Variants in STX8 observed in about 807,000 individuals in gnomAD.
STX8 encodes syntaxin 8, also known as syntaxin-8.
In STX8, 23 loss-of-function variants were observed where a neutral mutation model predicts 37.5. The observed-to-expected ratio is 0.61, with a 90% CI of 0.44 to 0.87. The LOEUF (loss-of-function observed/expected upper bound fraction) is 0.87, where lower values mean the gene tolerates loss of function less well. Among genes scored for constraint, STX8 ranks in the 40% least tolerant of loss-of-function variants. The pLI is 0.00. For synonymous variants in STX8, 115 were observed against 99.1 expected (o/e 1.16, Z -0.95); for missense variants, 313 against 284.7 (o/e 1.10, Z -0.71).
At chr17:9,426,254 C>T (rs1018633176) in intron 6 of STX8, among the ~76,000 whole-genome samples, 7 of 152,138 alleles carry the variant, frequency 4.6e-5, no homozygotes, top group East Asian at 1.9e-4. Context: ...AGGCCAGGCA[C>T]GATGGCTCAC....
At chr17:9,320,332 CA>C (rs1167812989) in intron 7 of STX8, among the ~76,000 whole-genome samples, 1,938 of 83,148 alleles carry the variant, frequency 0.023, 33 homozygotes, top group African/African-American at 0.064. Context: ...GACTCCATCT[CA>C]AAAAAAAAAA....
intron 7 of STX8, among the ~76,000 whole-genome samples, chr17:9,257,517 ATC>A (rs1348016324): frequency 1.3e-5 from 2 of 152,098 alleles, no homozygotes; most frequent in African/African-American, 4.8e-5. Context: ...GAGAGTGTGG[ATC>A]TCTGTGTTGG....
chr17:9,521,399 C>A (rs1054716670), intron 4 of STX8, among the ~76,000 whole-genome samples: 1 of 152,160 alleles, frequency 6.6e-6, no homozygotes, highest in Admixed American at 6.5e-5. Flanking sequence ...GAAATTGACA[C>A]GACTTCAGGA....
chr17:9,465,492 G>C (rs975230755), intron 6 of STX8, among the ~76,000 whole-genome samples: 15 of 152,276 alleles, frequency 9.9e-5, no homozygotes, highest in African/African-American at 3.6e-4. Context: ...TCCAAGTTCA[G>C]TGACTAATAT....
rs557929370 is a variant in STX8 at position 9,459,128 on chromosome 17, G to A, written c.541+32701C>T. 7.2e-5 allele frequency among the ~76,000 whole-genome samples: 11 copies of A among 152,158 alleles called. No homozygotes were observed. In the South Asian group the frequency reaches 1.9e-3, roughly 26 times the overall value. ...ATTACAGGCGTGAGCCACCATGCCC[G>A]GCCCACTCCAGTTATTTTAACAGAA... is the stretch of plus-strand genomic sequence containing the variant. On this transcript the variant is annotated intron_variant, in intron 6 of 7. Transcript: ENST00000306357.
At chr17:9,550,169 A>C (rs1213487157) in intron 3 of STX8, among the ~76,000 whole-genome samples, 1 of 151,784 alleles carries the variant, frequency 6.6e-6, no homozygotes, top group South Asian at 2.1e-4. Flanking sequence ...GGTTGCAGTG[A>C]GCCAAGATCG....
chr17:9,278,240 G>A (rs896460352), intron 7 of STX8, among the ~76,000 whole-genome samples: 2 of 152,178 alleles, frequency 1.3e-5, no homozygotes, highest in Non-Finnish European at 2.9e-5. Context: ...CTGAGGTCGC[G>A]AGTTTGAAAC....
intron 6 of STX8, among the ~76,000 whole-genome samples, chr17:9,442,704 G>A (rs1235277753): frequency 6.6e-6 from 1 of 152,112 alleles, no homozygotes; most frequent in African/African-American, 2.4e-5. Context: ...CACTGTGCCC[G>A]GCCTGTATCT....
chr17:9,471,536 C>T (rs1251290198), intron 6 of STX8, among the ~76,000 whole-genome samples: 8 of 152,040 alleles, frequency 5.3e-5, no homozygotes, highest in Non-Finnish European at 1.2e-4. Context: ...GGGAAGGACC[C>T]GCCATTAACT....
intron 6 of STX8, among the ~76,000 whole-genome samples, chr17:9,459,193 T>A (rs2142416062): frequency 6.6e-6 from 1 of 151,906 alleles, no homozygotes; most frequent in South Asian, 2.1e-4. Context: ...AGACATAGAG[T>A]TGTTAACTAG....
intron 7 of STX8, among the ~76,000 whole-genome samples, chr17:9,345,303 C>A (rs987510678): frequency 6.6e-6 from 1 of 152,146 alleles, no homozygotes; most frequent in African/African-American, 2.4e-5. Flanking sequence ...GCATGCGCCA[C>A]CACACCCGGC....
At chr17:9,438,421 A>G (rs926156111) in intron 6 of STX8, among the ~76,000 whole-genome samples, 3 of 150,632 alleles carry the variant, frequency 2.0e-5, no homozygotes, top group Admixed American at 1.3e-4. Context: ...CTCAGGTCCC[A>G]CCTTGGCCCT....
intron 7 of STX8, among the ~76,000 whole-genome samples, chr17:9,323,302 T>A (rs1012595520): frequency 2.6e-5 from 4 of 151,848 alleles, no homozygotes; most frequent in African/African-American, 9.7e-5. Context: ...AAGAAAACCT[T>A]AGGGGGAAAA....
At chr17:9,414,076 ATCTG>A (rs1913079908) in intron 6 of STX8, among the ~76,000 whole-genome samples, 1 of 66,590 alleles carries the variant, frequency 1.5e-5, no homozygotes, top group Non-Finnish European at 3.0e-5. Flanking sequence ...CCATCCACCC[ATCTG>A]TCCATCCATC....
chr17:9,296,480 G>C (rs1291753469), intron 7 of STX8, among the ~76,000 whole-genome samples: 1 of 142,558 alleles, frequency 7.0e-6, no homozygotes, highest in African/African-American at 2.7e-5. Context: ...CCTAGGCAAC[G>C]AGAGTGAAAC....
intron 7 of STX8, among the ~76,000 whole-genome samples, chr17:9,292,296 G>T (rs943242618): frequency 6.6e-6 from 1 of 152,264 alleles, no homozygotes; most frequent in African/African-American, 2.4e-5. Context: ...CCACCGTGGG[G>T]CCTGTCCGTG....
chr17:9,530,328 A>C (rs929542538), intron 4 of STX8, among the ~76,000 whole-genome samples: 1 of 146,146 alleles, frequency 6.8e-6, no homozygotes. Context: ...AAAAAAAAAA[A>C]CAGCACTGCT....
At chr17:9,382,452 C>T (rs986752478) in intron 6 of STX8, among the ~76,000 whole-genome samples, 1 of 152,060 alleles carries the variant, frequency 6.6e-6, no homozygotes, top group Non-Finnish European at 1.5e-5. Context: ...TTAAATTATA[C>T]TTTAAGTTCT....
At chr17:9,362,840 A>ATAAAT (rs546458056) in intron 7 of STX8, among the ~76,000 whole-genome samples, 1 of 115,444 alleles carries the variant, frequency 8.7e-6, no homozygotes, top group African/African-American at 3.0e-5. Flanking sequence ...AAAAAAAAAA[A>ATAAAT]AAATAAATAA....
Sources: gnomAD v4.1 joint callset for allele counts (sites outside exome capture counted in the v4.1 genomes callset) on GRCh38, gnomAD v4.1.1 for gene constraint, MANE v1.5 for transcripts, NCBI Gene and HGNC (gene_info 2026-07-23, HGNC 2026-07-21) for gene names.